Variants in MAGI2 observed in about 807,000 individuals in gnomAD.
MAGI2 encodes membrane associated guanylate kinase, WW and PDZ domain containing 2.
A neutral mutation model predicts 133.3 loss-of-function variants in MAGI2; 35 were observed. The observed-to-expected ratio is 0.26, with a 90% confidence interval of 0.20 to 0.35. MAGI2 has a LOEUF of 0.35. Ranked by LOEUF, MAGI2 falls within the 10% of genes least tolerant of loss-of-function variation. The pLI, the probability that MAGI2 is intolerant of heterozygous loss-of-function variation, is 1.00. For missense variants in MAGI2, 1,636 were observed against 1,863.4 expected (o/e 0.88, Z 2.25); for synonymous variants, 729 against 710.6 (o/e 1.03, Z -0.41).
At chr7:79,144,158 A>G (rs1822398348) in intron 1 of MAGI2, among the ~76,000 whole-genome samples, 1 of 152,224 alleles carries the variant, frequency 6.6e-6, no homozygotes, top group Non-Finnish European at 1.5e-5. Context: ...TACCCACAGC[A>G]GTGCTAGGCA....
chr7:78,445,920 G>A (rs964193086), intron 6 of MAGI2, among the ~76,000 whole-genome samples: 1 of 150,208 alleles, frequency 6.7e-6, no homozygotes, highest in Non-Finnish European at 1.5e-5. Flanking sequence ...AGCCTATATT[G>A]TCTTTTTTAT....
At chr7:79,289,790 G>A (rs1236011144) in intron 1 of MAGI2, among the ~76,000 whole-genome samples, 1 of 151,770 alleles carries the variant, frequency 6.6e-6, no homozygotes, top group Non-Finnish European at 1.5e-5. Context: ...TGTCATTTTA[G>A]GAACCTTAAA....
chr7:78,876,418 A>G (rs549625050), intron 2 of MAGI2, among the ~76,000 whole-genome samples: 6 of 152,240 alleles, frequency 3.9e-5, no homozygotes, highest in African/African-American at 1.4e-4. Context: ...GAAGAAAGAC[A>G]AAATAATCAT....
chr7:78,599,247 T>C (rs935389972), intron 3 of MAGI2, among the ~76,000 whole-genome samples: 1 of 152,194 alleles, frequency 6.6e-6, no homozygotes, highest in Non-Finnish European at 1.5e-5. Context: ...AGTTCCATTT[T>C]TGTATACTTA....
chr7:78,393,918 G>T (rs553231096), intron 6 of MAGI2, among the ~76,000 whole-genome samples: 2 of 152,238 alleles, frequency 1.3e-5, no homozygotes, highest in East Asian at 3.9e-4. Context: ...GGAAGTAAGT[G>T]GTGGTAAACA....
chr7:78,838,354 G>A (rs562797938), intron 2 of MAGI2, among the ~76,000 whole-genome samples: 85 of 152,110 alleles, frequency 5.6e-4, no homozygotes, highest in Non-Finnish European at 1.1e-3. Context: ...GGTTAACTTG[G>A]AGGAAGAATG....
chr7:78,569,179 GC>G, intron 3 of MAGI2, among the ~76,000 whole-genome samples: 1 of 151,958 alleles, frequency 6.6e-6, no homozygotes. Flanking sequence ...TTTCTTAAGA[GC>G]CCTTATCGCC....
chr7:79,030,665 T>C, intron 1 of MAGI2, among the ~76,000 whole-genome samples: 1 of 152,166 alleles, frequency 6.6e-6, no homozygotes, highest in East Asian at 1.9e-4. Context: ...TCTACTATAT[T>C]AATGGGAGTG....
intron 1 of MAGI2, among the ~76,000 whole-genome samples, chr7:79,333,763 A>T (rs1840245253): frequency 6.6e-6 from 1 of 152,182 alleles, no homozygotes; most frequent in Admixed American, 6.5e-5. Flanking sequence ...ATACAAAAAT[A>T]AAAAAGACAA....
intron 2 of MAGI2, among the ~76,000 whole-genome samples, chr7:78,824,360 C>T (rs1048392798): frequency 2.0e-5 from 3 of 152,164 alleles, no homozygotes; most frequent in Non-Finnish European, 4.4e-5. Context: ...ACACTGTCTT[C>T]CACAGTGGTT....
chr7:78,655,454 C>CAAAAAAAAAAAAAAAAAAAAAACAACAA, intron 2 of MAGI2, among the ~76,000 whole-genome samples: 4 of 64,950 alleles, frequency 6.2e-5, no homozygotes, highest in Non-Finnish European at 8.5e-5. Flanking sequence ...AAAAAACAAC[C>CAAAAAAAAAAAAAAAAAAAAAACAACAA]AAAAAAAAAA....
chr7:78,682,670 C>T (rs1395248535), intron 2 of MAGI2, among the ~76,000 whole-genome samples: 1 of 152,078 alleles, frequency 6.6e-6, no homozygotes, highest in Non-Finnish European at 1.5e-5. Flanking sequence ...GTGAGCAGTG[C>T]TGCAGTAAAC....
chr7:78,319,723 G>T (rs982064594), intron 9 of MAGI2, among the ~76,000 whole-genome samples: 4 of 152,174 alleles, frequency 2.6e-5, no homozygotes, highest in African/African-American at 9.6e-5. Flanking sequence ...AAGAACTAGA[G>T]AAGCAAGAGC....
At chr7:78,073,512 C>A (rs1051035830) in intron 21 of MAGI2, among the ~76,000 whole-genome samples, 1 of 152,046 alleles carries the variant, frequency 6.6e-6, no homozygotes, top group African/African-American at 2.4e-5. Context: ...AGAGCACCAA[C>A]CCAGACTAAA....
At chr7:79,154,868 C>CAAAACTCTTGCAAAA (rs1562946521) in intron 1 of MAGI2, among the ~76,000 whole-genome samples, 1 of 152,052 alleles carries the variant, frequency 6.6e-6, no homozygotes, top group Non-Finnish European at 1.5e-5. Context: ...CTCTTGCAAA[C>CAAAACTCTTGCAAAA]AAACAAAACA....
At chr7:79,311,921 C>A (rs1266977750) in intron 1 of MAGI2, among the ~76,000 whole-genome samples, 2 of 152,074 alleles carry the variant, frequency 1.3e-5, no homozygotes, top group Non-Finnish European at 2.9e-5. Context: ...TTAGCAAATC[C>A]TTTGTCCCTA....
chr7:78,471,050 G>A (rs1203844860), intron 6 of MAGI2, among the ~76,000 whole-genome samples: 1 of 152,080 alleles, frequency 6.6e-6, no homozygotes, highest in East Asian at 1.9e-4. Context: ...ATTGTTTTAT[G>A]TATGTTTCTC....
At chr7:78,653,537 G>GA in intron 2 of MAGI2, among the ~76,000 whole-genome samples, 1 of 151,902 alleles carries the variant, frequency 6.6e-6, no homozygotes, top group East Asian at 1.9e-4. Context: ...CACAGGAACA[G>GA]AAAACCAAAC....
intron 10 of MAGI2, among the ~76,000 whole-genome samples, chr7:78,237,221 G>C (rs1790644792): frequency 6.6e-6 from 1 of 152,126 alleles, no homozygotes; most frequent in Non-Finnish European, 1.5e-5. Flanking sequence ...AAAACAAATA[G>C]ATATATTCAT....
Sources: allele counts gnomAD v4.1 joint callset (sites outside exome capture counted in the v4.1 genomes callset), GRCh38; gene constraint gnomAD v4.1.1; transcripts MANE v1.5; gene names NCBI Gene and HGNC (gene_info 2026-07-23, HGNC 2026-07-21).